Variants in STXBP5L observed in about 807,000 individuals in gnomAD.
STXBP5L encodes the protein syntaxin-binding protein 5-like.
Under a neutral mutation model 144.5 loss-of-function variants are expected in STXBP5L, and 65 were observed. The observed-to-expected ratio is 0.45, with a 90% CI of 0.37 to 0.55. STXBP5L has a LOEUF of 0.55. Among genes scored for constraint, STXBP5L ranks in the 20% least tolerant of loss-of-function variants. STXBP5L has a pLI of 0.00. For missense variants in STXBP5L, 1,298 were observed against 1,405.5 expected (o/e 0.92, Z 1.22); for synonymous variants, 505 against 469.6 (o/e 1.08, Z -0.97).
chr3:121,316,498 T>G (rs2043793609), intron 19 of STXBP5L, among the ~76,000 whole-genome samples: 2 of 152,214 alleles, frequency 1.3e-5, no homozygotes, highest in East Asian at 3.8e-4. Context: ...TCCTTCCTCC[T>G]AGCTGTTTAA....
intron 9 of STXBP5L, among the ~76,000 whole-genome samples, chr3:121,190,900 C>T (rs1471279980): frequency 1.1e-4 from 17 of 149,794 alleles, no homozygotes; most frequent in African/African-American, 3.2e-4. Flanking sequence ...AGTTCCCAGA[C>T]GGGGTCACGG....
intron 20 of STXBP5L, among the ~76,000 whole-genome samples, chr3:121,369,930 C>T (rs973140199): frequency 6.6e-6 from 1 of 152,106 alleles, no homozygotes; most frequent in Non-Finnish European, 1.5e-5. Flanking sequence ...TATGGCTTGG[C>T]TCTGTGTCCC....
Position 121,045,489 on chromosome 3 carries a change from C to T in STXBP5L, c.424C>T (p.Gln142Ter). The T allele has an allele frequency of 1.2e-6, 2 of 1,612,968 alleles. No individual in the cohort carries two copies. Among genetic ancestry groups the T allele is most frequent in the Non-Finnish European group, 1.7e-6 (2 of 1,179,376 alleles). The change falls in exon 5 of 27, where the codon CAA becomes TAA. Residue 142 changes from glutamine (Q) to a stop codon, truncating the protein, a stop_gained. Coordinates refer to ENST00000471454, the MANE Select transcript of STXBP5L (RefSeq NM_001308330.2). LOFTEE classifies it high-confidence loss of function. ...DDTLHLWNLR[Q>*]KRPAILHSLK... ...TACACTTCATTTGTGGAACCTTAGACAAAAAAGGCCAGCCATACTCCATTC... is the reference window on the plus strand; with the variant it reads ...TACACTTCATTTGTGGAACCTTAGATAAAAAAGGCCAGCCATACTCCATTC...
At chr3:121,336,171 T>C (rs1326109034) in intron 20 of STXBP5L, among the ~76,000 whole-genome samples, 1 of 152,162 alleles carries the variant, frequency 6.6e-6, no homozygotes, top group African/African-American at 2.4e-5. Context: ...AAAAGTTCAA[T>C]ATCAGTGGTT....
At chr3:121,175,462 A>G (rs1427481839) in intron 9 of STXBP5L, among the ~76,000 whole-genome samples, 1 of 152,182 alleles carries the variant, frequency 6.6e-6, no homozygotes, top group East Asian at 1.9e-4. Flanking sequence ...GAGGCATATG[A>G]CAAGGCAAAC....
chr3:120,945,691 A>C (rs75087365), intron 2 of STXBP5L, among the ~76,000 whole-genome samples: 2,505 of 151,940 alleles, frequency 0.016, 64 homozygotes, highest in African/African-American at 0.056. Context: ...CAAAAGGAGA[A>C]GTTCACATAA....
chr3:121,301,022 C>A (rs576348379), intron 19 of STXBP5L, among the ~76,000 whole-genome samples: 1 of 152,274 alleles, frequency 6.6e-6, no homozygotes, highest in Non-Finnish European at 1.5e-5. Flanking sequence ...ATTGATTTGG[C>A]AATGCGGGAT....
rs192385459 is a variant in STXBP5L, at chr3:120,911,850, T to C, written c.189+2083T>C. On this transcript the variant is annotated intron_variant, in intron 2 of 26. Transcript: ENST00000471454. ...TAATTACCTGGTCTATAACAAAACATATAAAAATGGACTAAGGAAATCCCA... is the reference window on the plus strand; with the variant it reads ...TAATTACCTGGTCTATAACAAAACACATAAAAATGGACTAAGGAAATCCCA... Among the ~76,000 whole-genome samples, 29 of 152,104 alleles carry C rather than the reference T, an allele frequency of 1.9e-4. No individual in the cohort carries two copies. In the East Asian group the frequency reaches 5.4e-3, roughly 28 times the overall value.
chr3:121,028,121 A>G (rs551305011), intron 3 of STXBP5L, among the ~76,000 whole-genome samples: 2 of 152,224 alleles, frequency 1.3e-5, no homozygotes, highest in East Asian at 3.9e-4. Context: ...TATGTATTCA[A>G]AAATTGTATC....
At chr3:121,186,172 A>G (rs1211513) in intron 9 of STXBP5L, among the ~76,000 whole-genome samples, 119,666 of 152,146 alleles carry the variant, frequency 0.79, 47,280 homozygotes, top group East Asian at 0.93. Flanking sequence ...TGCTGAAGTT[A>G]CCTATCAGCT....
chr3:121,285,038 T>C (rs2051182110), intron 19 of STXBP5L, among the ~76,000 whole-genome samples: 2 of 152,130 alleles, frequency 1.3e-5, no homozygotes, highest in East Asian at 3.8e-4. Flanking sequence ...TATATTTCTA[T>C]AGTCTCACTT....
At chr3:121,376,097 TTTTGTTCTGAGTTTACTGTATGCC>T (rs1180813092) in intron 20 of STXBP5L, among the ~76,000 whole-genome samples, 7 of 152,234 alleles carry the variant, frequency 4.6e-5, no homozygotes, top group Non-Finnish European at 8.8e-5. Flanking sequence ...CGTAATTAAC[TTTTGTTCTGAGTTTACTGTATGCC>T]AGCACATATT....
At chr3:121,116,618 C>A (rs1457643582) in intron 6 of STXBP5L, among the ~76,000 whole-genome samples, 1 of 151,994 alleles carries the variant, frequency 6.6e-6, no homozygotes, top group East Asian at 1.9e-4. Context: ...TATTGACTTA[C>A]AACTTTCATT....
chr3:121,004,916 G>A (rs1359919867), intron 3 of STXBP5L, among the ~76,000 whole-genome samples: 1 of 152,138 alleles, frequency 6.6e-6, no homozygotes, highest in African/African-American at 2.4e-5. Context: ...TGATCATGGT[G>A]GATAAGCTTT....
intron 9 of STXBP5L, among the ~76,000 whole-genome samples, chr3:121,193,759 T>C (rs2047803433): frequency 6.6e-6 from 1 of 151,718 alleles, no homozygotes; most frequent in African/African-American, 2.4e-5. Context: ...CACTCATAGG[T>C]GGGAATTGAA....
At chr3:121,112,156 C>A (rs2044018027) in intron 5 of STXBP5L, among the ~76,000 whole-genome samples, 1 of 151,918 alleles carries the variant, frequency 6.6e-6, no homozygotes, top group Admixed American at 6.6e-5. Flanking sequence ...TCATCTTAGG[C>A]AACAGGCAGC....
chr3:121,010,901 G>C (rs1243941578), intron 3 of STXBP5L, among the ~76,000 whole-genome samples: 3 of 151,474 alleles, frequency 2.0e-5, no homozygotes. Context: ...TTGCTGTCTG[G>C]GGTGGCAGAG....
chr3:121,005,728 T>A (rs1165805614), intron 3 of STXBP5L, among the ~76,000 whole-genome samples: 4 of 152,366 alleles, frequency 2.6e-5, no homozygotes, highest in African/African-American at 7.2e-5. Context: ...TTTAAATGTG[T>A]CCCAGAGATT....
chr3:121,078,949 C>G (rs1307877571), intron 5 of STXBP5L, among the ~76,000 whole-genome samples: 2 of 152,236 alleles, frequency 1.3e-5, no homozygotes, highest in African/African-American at 2.4e-5. Context: ...CCACACCTAC[C>G]TGCAAGCTGA....
Sources: gnomAD v4.1 joint callset for allele counts (sites outside exome capture counted in the v4.1 genomes callset) on GRCh38, gnomAD v4.1.1 for gene constraint, MANE v1.5 for transcripts, NCBI Gene and HGNC (gene_info 2026-07-23, HGNC 2026-07-21) for gene names.